The following DST variants were observed in gnomAD, a reference collection of about 807,000 sequenced individuals.
DST encodes the protein dystonin, also known as bullous pemphigoid antigen.
In DST, 253 loss-of-function variants were observed where a neutral mutation model predicts 875.2. The observed-to-expected ratio is 0.29, with a 90% CI of 0.26 to 0.32. DST has a LOEUF of 0.32. Ranked by LOEUF, DST falls within the 10% of genes least tolerant of loss-of-function variation. The pLI is 1.00. For synonymous variants in DST, 3,124 were observed against 3,197.1 expected, an observed-to-expected ratio of 0.98 and a Z score of 0.77; for missense variants, 8,287 against 9,111.6, an observed-to-expected ratio of 0.91 and a Z score of 3.68.
chr6:56,824,419 G>T (rs998203583), intron 4 of DST, among the ~76,000 whole-genome samples: 2 of 152,136 alleles, frequency 1.3e-5, no homozygotes, highest in South Asian at 4.1e-4. Flanking sequence ...GCCTCTGCCC[G>T]GCTGCCACCC....
In DST at chr6:56,780,891, A is replaced by T. The variant is rs564054147; in HGVS notation, c.626-45602T>A. ...CGTTTAAGTCTTTAATCCATCTTGA[A>T]TTAATTTTTGTATAAGGTATAAGGA... On this transcript the variant is annotated intron_variant, in intron 4 of 103. Coordinates refer to ENST00000680361, the MANE Select transcript of DST (RefSeq NM_001374736.1). Among the ~76,000 whole-genome samples, 14 of 152,208 alleles carry T rather than the reference A, an allele frequency of 9.2e-5. No individual in the cohort carries two copies. In the South Asian group the frequency reaches 2.3e-3, roughly 25 times the overall value.
At chr6:56,557,662 G>T (rs2097449451) in intron 58 of DST, 144 bp from the exon 59 acceptor site, 1 of 696,752 alleles carries the variant, frequency 1.4e-6, no homozygotes, top group Non-Finnish European at 2.3e-6. Context: ...GTTACTTAAA[G>T]GACTAACCTA....
chr6:56,851,471 T>G lies in DST; in HGVS notation c.551A>C (p.His184Pro), dbSNP rs917569715. The change falls in exon 4 of 104, where the codon CAT becomes CCT. Residue 184 changes from histidine (H) to proline (P), a missense_variant. By Grantham distance (77) the His-to-Pro change is moderately conservative. Around this residue, in one of 10 missense-constraint regions of DST, gnomAD observed 1,160 missense variants for 1,424.3 expected, o/e 0.81. Transcript: ENST00000680361. ...TTGAATCTTTCTTTTCGATCTCTCA[T>G]GTTTAGGCAAATTCCAGGGTAAGGT... ...GDTLPWNLPK[H>P]ERSKRKIQGG... 6.2e-7 allele frequency: 1 copy of G among 1,614,044 alleles called. No individual in the cohort carries two copies. The highest frequency in any genetic ancestry group is 8.5e-7 in the Non-Finnish European group (1 of 1,179,896).
At chr6:56,925,673 A>T (rs1216670689) in intron 2 of DST, among the ~76,000 whole-genome samples, 1 of 152,342 alleles carries the variant, frequency 6.6e-6, no homozygotes, top group East Asian at 1.9e-4. Context: ...ATGGGAAAAC[A>T]TTCAAGCTAA....
chr6:56,464,430 G>A (rs555550575), intron 100 of DST: 14 of 511,242 alleles, frequency 2.7e-5, no homozygotes, highest in South Asian at 5.7e-5. Flanking sequence ...ATACGCACAC[G>A]GAGAACACTC....
At chr6:56,560,552 G>T (rs2097522605) in intron 57 of DST, 129 bp from the exon 58 acceptor site, 2 of 982,842 alleles carry the variant, frequency 2.0e-6, no homozygotes, top group South Asian at 1.9e-5. Context: ...TGTGGTGGGT[G>T]AGGGCCTGGA....
rs1379288602 is a variant in DST, at chr6:56,648,621, A to G, written c.1503T>C (p.His501=). 12 of 1,591,700 alleles carry G rather than the reference A, an allele frequency of 7.5e-6. No individual in the cohort carries two copies. In the East Asian group the frequency reaches 2.7e-4, roughly 36 times the overall value. The change falls in exon 13 of 104, where the codon CAT becomes CAC. Residue 501 remains histidine (H), a synonymous_variant. Transcript: ENST00000680361. ...VNYLIQWIRH[H]VTTMSERTFP... ...ATGTTCTCTCAGACATTGTGGTCAC[A>G]TGGTGTCTAATCCATTGGATGAGGT...
At chr6:56,875,256 T>C (rs1779169398) in intron 3 of DST, among the ~76,000 whole-genome samples, 1 of 152,166 alleles carries the variant, frequency 6.6e-6, no homozygotes, top group Admixed American at 6.5e-5. Flanking sequence ...AGTGCTGGGA[T>C]TACAGGCATG....
intron 61 of DST, among the ~76,000 whole-genome samples, chr6:56,538,470 A>G (rs1344170627): frequency 6.6e-6 from 1 of 152,212 alleles, no homozygotes; most frequent in African/African-American, 2.4e-5. Flanking sequence ...ATACATAGAA[A>G]CATAATAAAG....
chr6:56,488,476 A>G (rs919466447), intron 86 of DST, among the ~76,000 whole-genome samples: 4 of 152,180 alleles, frequency 2.6e-5, no homozygotes, highest in Non-Finnish European at 5.9e-5. Context: ...GGCAGCTCAC[A>G]GGCAAAGGGT....
intron 9 of DST, among the ~76,000 whole-genome samples, chr6:56,685,829 T>C (rs1218197708): frequency 5.3e-5 from 8 of 152,164 alleles, no homozygotes; most frequent in Non-Finnish European, 4.4e-5. Context: ...AAGGGATGCT[T>C]ATACACTGTT....
Position 56,607,984 on chromosome 6 carries a change from G to T in DST, c.6644C>A (p.Thr2215Lys). 6.2e-7 allele frequency: 1 copy of T among 1,613,506 alleles called. No homozygotes were observed. Among genetic ancestry groups the T allele is most frequent in the South Asian group, 1.1e-5 (1 of 91,064 alleles). Reference sequence around the variant, plus strand: ...ATCGTACAGCAAAAGCCTTTGCCCTGTGTTTGCATCCATATAGCTATTTAT... The same window carrying T: ...ATCGTACAGCAAAAGCCTTTGCCCTTTGTTTGCATCCATATAGCTATTTAT... ...LMINSYMDANTGQRLLLYDGD... is the reference protein window; with the variant it reads ...LMINSYMDANKGQRLLLYDGD... Residue 2215 changes from threonine (T) to lysine (K), a missense_variant, in exon 40 of 104, where the codon ACA becomes AAA. Thr to Lys is a moderately conservative substitution (Grantham distance 78). Coordinates refer to ENST00000680361, the MANE Select transcript of DST (RefSeq NM_001374736.1).
chr6:56,838,560 C>CAA (rs200060544), intron 4 of DST, among the ~76,000 whole-genome samples: 2 of 146,876 alleles, frequency 1.4e-5, no homozygotes, highest in Non-Finnish European at 3.0e-5. Context: ...CAAACAACAA[C>CAA]AAAAAAAAAA....
intron 2 of DST, among the ~76,000 whole-genome samples, chr6:56,926,239 C>T (rs905695074): frequency 2.6e-5 from 4 of 152,124 alleles, no homozygotes; most frequent in African/African-American, 9.7e-5. Context: ...TCTTTCTCTC[C>T]ACTTTTTGTT....
rs1198924626 is a variant in DST, at chr6:56,608,024, GA to G, written c.6603del (p.Leu2202TyrfsTer4). 4 of 1,612,680 alleles carry G rather than the reference GA, an allele frequency of 2.5e-6. No individual in the cohort carries two copies. Among genetic ancestry groups the G allele is most frequent in the Non-Finnish European group, 3.4e-6 (4 of 1,179,242 alleles). On this transcript the variant is annotated frameshift_variant, in exon 40 of 104. Coordinates refer to ENST00000680361, the MANE Select transcript of DST (RefSeq NM_001374736.1). LOFTEE classifies it high-confidence loss of function. The stretch of plus-strand genomic sequence containing the variant: ...TAGCTATTTATCATTAAATAAGATA[GA>G]AATAATTTTTTAGTTTCTTCTGAGG... ...TQTSEETKKL[F>X]LSYLMINSYM...
At chr6:56,876,310 A>C (rs146060547) in intron 3 of DST, among the ~76,000 whole-genome samples, 177 of 152,212 alleles carry the variant, frequency 1.2e-3, no homozygotes, top group African/African-American at 3.6e-3. Context: ...CTGAGTTCAA[A>C]TAATCTTTAT....
rs901654187 is a variant in DST, at chr6:56,784,273, C to A, written c.626-48984G>T. ...TTTCCTGAATCTGAATGTTGGCCTG[C>A]CTTGCTAGATTGGGGAAGTTCTCCT... On this transcript the variant is annotated intron_variant, in intron 4 of 103. Coordinates refer to ENST00000680361, the MANE Select transcript of DST (RefSeq NM_001374736.1). 3.3e-5 allele frequency among the ~76,000 whole-genome samples: 5 copies of A among 152,244 alleles called. No individual in the cohort carries two copies. The East Asian group carries it at 9.6e-4, about 29-fold the overall frequency.
Position 56,680,630 on chromosome 6 carries a change from C to G in DST, c.1048-9823G>C, listed in dbSNP as rs564354288. Among the ~76,000 whole-genome samples, 19 of 152,326 alleles carry G rather than the reference C, an allele frequency of 1.2e-4. No individual in the cohort carries two copies. The South Asian group carries it at 3.3e-3, about 27-fold the overall frequency. ...TCACCCCTTCCAGGCTTTCCTCCGG[C>G]CTCTCTAGCCATTCCTTCTCAGTCT... On this transcript the variant is annotated intron_variant, in intron 9 of 103. Coordinates refer to ENST00000680361, the MANE Select transcript of DST (RefSeq NM_001374736.1).
At chr6:56,487,045 T>G in intron 87 of DST, 59 bp downstream of exon 87, 4 of 1,549,828 alleles carry the variant, frequency 2.6e-6, no homozygotes, top group Non-Finnish European at 3.5e-6. Context: ...CAAAGCACCA[T>G]TACTGTGTAT....
Sources: gnomAD v4.1 joint callset for allele counts (sites outside exome capture counted in the v4.1 genomes callset) on GRCh38, gnomAD v4.1.1 for gene constraint, gnomAD v4.1.1 regional missense constraint, MANE v1.5 for transcripts, NCBI Gene and HGNC (gene_info 2026-07-23, HGNC 2026-07-21) for gene names.